The following KLF16 variants were observed in gnomAD, a reference collection of about 807,000 sequenced individuals.
KLF16 encodes the protein Krueppel-like factor 16.
KLF16 carries 6 observed loss-of-function variants against 6.1 expected under a neutral mutation model. The observed-to-expected ratio is 0.98, with a 90% CI of 0.54 to 1.93. The LOEUF (loss-of-function observed/expected upper bound fraction) is 1.93. Ranked by LOEUF, KLF16 falls within the 30% of genes most tolerant of loss-of-function variation. KLF16 has a pLI of 0.01. For synonymous variants in KLF16, 211 were observed against 176.5 expected, an observed-to-expected ratio of 1.20 and a Z score of -1.55; for missense variants, 355 against 363.8, an observed-to-expected ratio of 0.98 and a Z score of 0.20.
intron 1 of KLF16, among the ~76,000 whole-genome samples, chr19:1,858,301 C>T (rs913013236): frequency 7.2e-5 from 11 of 152,180 alleles, no homozygotes; most frequent in African/African-American, 2.4e-4. Flanking sequence ...TCCTGAGTTC[C>T]GCCCTGGCCT....
chr19:1,869,787 C>T, the KLF16 span, among the ~76,000 whole-genome samples: 1 of 152,026 alleles, frequency 6.6e-6, no homozygotes. Context: ...TTTTAAATTT[C>T]ATTTTCTAGA....
chr19:1,865,519 G>T (rs1568735888), upstream of KLF16, among the ~76,000 whole-genome samples: 1 of 152,224 alleles, frequency 6.6e-6, no homozygotes, highest in African/African-American at 2.4e-5. Flanking sequence ...CCCTCAAGGG[G>T]CTTACAGTTG....
At chr19:1,867,807 C>T (rs2012210662), upstream of KLF16, among the ~76,000 whole-genome samples, 1 of 152,128 alleles carries the variant, frequency 6.6e-6, no homozygotes, top group Non-Finnish European at 1.5e-5. Context: ...GTGGAGGTTA[C>T]AGTGAGCCAA....
rs1043694292 is a variant in KLF16 at position 1,852,571 on chromosome 19, G to C, written c.*1888C>G. ...CTCCTGGGAGAGTGGAGGGGTGGGC[G>C]CAGGTCTCTCCAAGCCCCTGGACAC... On this transcript the variant is annotated 3_prime_UTR_variant, in exon 2 of 2. Transcript: ENST00000250916. 6.6e-6 allele frequency: 1 copy of C among 152,132 alleles called. No homozygotes were observed. Among genetic ancestry groups the C allele is most frequent in the Non-Finnish European group, 1.5e-5 (1 of 68,032 alleles). The allele number at this position is 152,132 out of a possible 1,614,324, so 9.4% of individuals were successfully genotyped here.
At chr19:1,861,549 C>G (rs2012065447) in intron 1 of KLF16, 2 of 152,282 alleles carry the variant, frequency 1.3e-5, no homozygotes, top group African/African-American at 2.4e-5. Context: ...GGGACCCCTC[C>G]GCCGAGGATG....
chr19:1,862,802 G>GCC (rs1480180286), intron 1 of KLF16: 1 of 359,702 alleles, frequency 2.8e-6, no homozygotes. Context: ...ACCTCGCTGG[G>GCC]CCCCCGGAGC....
intron 1 of KLF16, among the ~76,000 whole-genome samples, chr19:1,859,549 C>G (rs936039554): frequency 6.6e-6 from 1 of 151,996 alleles, no homozygotes; most frequent in Non-Finnish European, 1.5e-5. Context: ...GCCGAGGTGC[C>G]CCCTCCCCAC....
In KLF16 at chr19:1,863,434, C is replaced by A; in HGVS notation, c.64G>T (p.Gly22Cys). The change falls in exon 1 of 2, where the codon GGC (glycine) becomes TGC (cysteine). Residue 22 changes from glycine to cysteine, a missense_variant. Transcript: ENST00000250916. ...AADVLMAISSGAVVHRGRPGP... is the reference protein window; with the variant it reads ...AADVLMAISSCAVVHRGRPGP... The stretch of plus-strand genomic sequence containing the variant: ...GGCCGCCCGCGGTGCACCACGGCGC[C>A]CGAAGAGATGGCCATGAGCACGTCG... 9.6e-7 allele frequency: 1 copy of A among 1,045,374 alleles called. No homozygotes were observed. The highest frequency in any genetic ancestry group is 2.7e-5 in the South Asian group (1 of 37,550). The allele number at this position is 1,045,374 out of a possible 1,614,324, so 64.8% of individuals were successfully genotyped here.
chr19:1,864,000 C>T (rs1403379521), upstream of KLF16, among the ~76,000 whole-genome samples: 1 of 144,510 alleles, frequency 6.9e-6, no homozygotes, highest in Admixed American at 6.8e-5. Context: ...GGGCGGGAGG[C>T]CGAGGACCCC....
rs1599190807 is a variant in KLF16, at chr19:1,854,352, T to C, written c.*107A>G. The C allele has an allele frequency of 2.3e-6, 3 of 1,314,772 alleles. No individual in the cohort carries two copies. 81.4% of individuals were successfully genotyped at this position (1,314,772 alleles called of 1,614,324 possible). A position where few individuals can be genotyped will look rare whatever the true frequency, so the allele number is the denominator to read the frequency against. On this transcript the variant is annotated 3_prime_UTR_variant, in exon 2 of 2. Transcript: ENST00000250916. ...CTCTCTGGAGGGGGGCAGGGGTGTC[T>C]TCAGGGTTTGCCCACGGCTGGAAGG...
intron 1 of KLF16, chr19:1,860,579 ACAGCCCTG>A (rs1394928755): frequency 2.0e-5 from 3 of 152,180 alleles, no homozygotes; most frequent in Non-Finnish European, 2.9e-5. Context: ...GGCCCCCGGG[ACAGCCCTG>A]CAGCCACCGG....
upstream of KLF16, among the ~76,000 whole-genome samples, chr19:1,863,855 G>C (rs1420960258): frequency 2.0e-4 from 30 of 146,888 alleles, no homozygotes; most frequent in Non-Finnish European, 3.8e-4. Flanking sequence ...GCCTCCGCCA[G>C]CGCCTAGCGT....
chr19:1,865,165 CGAGA>C (rs1357716722), upstream of KLF16, among the ~76,000 whole-genome samples: 3 of 152,214 alleles, frequency 2.0e-5, no homozygotes, highest in Non-Finnish European at 2.9e-5. Flanking sequence ...AGAGCGGAGC[CGAGA>C]GAGAGGAGGT....
chr19:1,862,049 CA>C, intron 1 of KLF16: 1 of 152,336 alleles, frequency 6.6e-6, no homozygotes, highest in Non-Finnish European at 1.5e-5. Context: ...TGTTTGGTGG[CA>C]AGGCCAGAAT....
rs2012117300 is a variant in KLF16, at chr19:1,863,512, C to T, written c.-15G>A. ...GCCGCCGACATGCCGAGCAAGGGCG[C>T]GCGGCGCGGCGGGCGGAGCGGAGGC... On this transcript the variant is annotated 5_prime_UTR_variant, in exon 1 of 2. Transcript: ENST00000250916. 1 of 983,594 alleles carries T rather than the reference C, an allele frequency of 1.0e-6. No individual in the cohort carries two copies. 60.9% of individuals were successfully genotyped at this position (983,594 alleles called of 1,614,324 possible). A position where few individuals can be genotyped will look rare whatever the true frequency, so the allele number is the denominator to read the frequency against.
chr19:1,873,441 C>G, the KLF16 span, among the ~76,000 whole-genome samples: 13 of 152,080 alleles, frequency 8.5e-5, no homozygotes, highest in Non-Finnish European at 1.6e-4. Context: ...CTGCCCTCCC[C>G]CCGGGCTCCG....
chr19:1,862,650 G>A (rs1209658641), intron 1 of KLF16: 7 of 204,698 alleles, frequency 3.4e-5, no homozygotes, highest in Middle Eastern at 1.7e-3. Flanking sequence ...GGGGGAGGGG[G>A]AGAACCCAGA....
Position 1,854,120 on chromosome 19 carries a change from C to T in KLF16, c.*339G>A. On this transcript the variant is annotated 3_prime_UTR_variant, in exon 2 of 2. Coordinates refer to ENST00000250916, the MANE Select transcript of KLF16 (RefSeq NM_031918.4). ...CCGGCTCCCAGAAGTCCACTCCACC[C>T]CCCCAAACCCCACCCCGGGAGGGGG... 3.7e-6 allele frequency: 1 copy of T among 272,488 alleles called. No individual in the cohort carries two copies. Among genetic ancestry groups the T allele is most frequent in the Non-Finnish European group, 6.8e-6 (1 of 146,820 alleles). The allele number at this position is 272,488 out of a possible 1,614,324, so 16.9% of individuals were successfully genotyped here.
At chr19:1,873,382 C>T in the KLF16 span, among the ~76,000 whole-genome samples, 1 of 152,206 alleles carries the variant, frequency 6.6e-6, no homozygotes, top group African/African-American at 2.4e-5. Flanking sequence ...CTCAGGCAAG[C>T]CTCTGCCACA....
Sources: gnomAD v4.1 joint callset for allele counts (sites outside exome capture counted in the v4.1 genomes callset) on GRCh38, gnomAD v4.1.1 for gene constraint, MANE v1.5 for transcripts, NCBI Gene and HGNC (gene_info 2026-07-23, HGNC 2026-07-21) for gene names.